The following SPAG16 variants were observed in gnomAD, a reference collection of about 807,000 sequenced individuals.
SPAG16 encodes the protein sperm-associated antigen 16 protein.
A neutral mutation model predicts 80.4 loss-of-function variants in SPAG16; 86 were observed. The observed-to-expected ratio is 1.07, with a 90% CI of 0.90 to 1.28. The LOEUF (loss-of-function observed/expected upper bound fraction) is 1.28. Among genes scored for constraint, SPAG16 ranks in the 50% most tolerant of loss-of-function variants. The pLI, the probability that SPAG16 is intolerant of heterozygous loss-of-function variation, is 0.00. For missense variants in SPAG16, 870 were observed against 765.3 expected, an observed-to-expected ratio of 1.14 and a Z score of -1.61; for synonymous variants, 294 against 265.9, an observed-to-expected ratio of 1.11 and a Z score of -1.03.
At chr2:213,630,383 C>CAAA (rs926318146) in intron 10 of SPAG16, among the ~76,000 whole-genome samples, 1 of 109,820 alleles carries the variant, frequency 9.1e-6, no homozygotes, top group Non-Finnish European at 1.9e-5. Flanking sequence ...GACTCCATCT[C>CAAA]AAAAAAAAAA....
chr2:214,246,555 G>A (rs1336764522), intron 15 of SPAG16, among the ~76,000 whole-genome samples: 2 of 152,040 alleles, frequency 1.3e-5, no homozygotes, highest in Admixed American at 1.3e-4. Context: ...ACTATGCTTA[G>A]TCCACTGTGC....
At chr2:213,399,945 TTTA>T (rs1446679086) in intron 9 of SPAG16, among the ~76,000 whole-genome samples, 1 of 152,056 alleles carries the variant, frequency 6.6e-6, no homozygotes, top group Non-Finnish European at 1.5e-5. Flanking sequence ...TATCATATTT[TTTA>T]TTATCTTTTA....
chr2:214,217,529 T>C lies in SPAG16; in HGVS notation c.1720+68263T>C, dbSNP rs543414062. ...AGTTTTAAATTGTCACTTCCAAATT[T>C]AAATACATTATTTTATGAAAGTTTA... On this transcript the variant is annotated intron_variant, in intron 15 of 15. Transcript: ENST00000331683. 3.3e-5 allele frequency among the ~76,000 whole-genome samples: 5 copies of C among 152,336 alleles called. No homozygotes were observed. In the South Asian group the frequency reaches 1.0e-3, roughly 32 times the overall value.
chr2:213,993,533 G>A, intron 12 of SPAG16, among the ~76,000 whole-genome samples: 1 of 152,130 alleles, frequency 6.6e-6, no homozygotes, highest in Non-Finnish European at 1.5e-5. Context: ...CCTACATTGA[G>A]CCTAGTTCTA....
At chr2:213,977,863 G>A (rs1372711874) in intron 12 of SPAG16, among the ~76,000 whole-genome samples, 1 of 151,574 alleles carries the variant, frequency 6.6e-6, no homozygotes, top group Non-Finnish European at 1.5e-5. Flanking sequence ...TCTTGTTAAG[G>A]ATCACTCCAT....
chr2:214,258,461 A>ATGTGTGTG (rs1319528567), intron 15 of SPAG16, among the ~76,000 whole-genome samples: 11 of 109,288 alleles, frequency 1.0e-4, no homozygotes, highest in African/African-American at 2.8e-4. Context: ...GTGTGTATGT[A>ATGTGTGTG]TGTGTGTGTG....
At chr2:213,768,697 A>G (rs1214369785) in intron 10 of SPAG16, among the ~76,000 whole-genome samples, 2 of 152,218 alleles carry the variant, frequency 1.3e-5, no homozygotes, top group Admixed American at 1.3e-4. Context: ...GAGAAATCCA[A>G]ATGGAAATAT....
At chr2:213,722,567 C>T (rs569269989) in intron 10 of SPAG16, among the ~76,000 whole-genome samples, 10 of 152,262 alleles carry the variant, frequency 6.6e-5, no homozygotes, top group South Asian at 2.1e-4. Flanking sequence ...ATACGGCCTT[C>T]AGAACCTAGT....
In SPAG16 at chr2:213,866,966, G is replaced by A. The variant is rs536654738; in HGVS notation, c.1214+4338G>A. Among the ~76,000 whole-genome samples, 5 of 151,642 alleles carry A rather than the reference G, an allele frequency of 3.3e-5. No homozygotes were observed. The East Asian group carries it at 9.7e-4, about 29-fold the overall frequency. On this transcript the variant is annotated intron_variant, in intron 11 of 15. Transcript: ENST00000331683. ...TATAATGCAGACTATACAAACAGAA[G>A]GCATTTAAAAATTGCAAGTCTTCAA...
chr2:213,473,734 T>C (rs2073215512), intron 9 of SPAG16, among the ~76,000 whole-genome samples: 1 of 152,226 alleles, frequency 6.6e-6, no homozygotes, highest in African/African-American at 2.4e-5. Context: ...TCTATGTTTC[T>C]TCCACTATTA....
Position 213,686,181 on chromosome 2 carries a change from C to T in SPAG16, c.1071-176304C>T, listed in dbSNP as rs1005336885. On this transcript the variant is annotated intron_variant, in intron 10 of 15. Coordinates refer to ENST00000331683, the MANE Select transcript of SPAG16 (RefSeq NM_024532.5). Reference sequence around the variant, plus strand: ...TTGCCTAGCCTAGAGTGCAGTGGTGCGATCTTGGCTCACTTCAACCTCTGC... The same window carrying T: ...TTGCCTAGCCTAGAGTGCAGTGGTGTGATCTTGGCTCACTTCAACCTCTGC... Among the ~76,000 whole-genome samples the T allele has an allele frequency of 5.3e-5, 8 of 152,222 alleles. No individual in the cohort carries two copies. The East Asian group carries it at 7.7e-4, about 15-fold the overall frequency.
intron 12 of SPAG16, among the ~76,000 whole-genome samples, chr2:213,938,963 C>T (rs982904508): frequency 1.3e-5 from 2 of 151,922 alleles, no homozygotes; most frequent in Non-Finnish European, 2.9e-5. Context: ...AAAATCCTAA[C>T]ACTTAACAAA....
chr2:214,244,540 C>CAAACCCA (rs1446547813), intron 15 of SPAG16, among the ~76,000 whole-genome samples: 1 of 151,848 alleles, frequency 6.6e-6, no homozygotes, highest in Admixed American at 6.6e-5. Flanking sequence ...TGATAAAAAA[C>CAAACCCA]AAACCCACAA....
At chr2:213,347,529 A>C (rs985735185) in intron 6 of SPAG16, among the ~76,000 whole-genome samples, 13 of 152,188 alleles carry the variant, frequency 8.5e-5, no homozygotes, top group African/African-American at 7.2e-5. Context: ...ATTTAGTGCT[A>C]TAAATTTTCC....
intron 10 of SPAG16, among the ~76,000 whole-genome samples, chr2:213,757,784 A>C (rs896797023): frequency 3.3e-5 from 5 of 152,068 alleles, no homozygotes; most frequent in Non-Finnish European, 5.9e-5. Flanking sequence ...AGTGGGCAAA[A>C]AAAGGACCTG....
At chr2:213,535,375 G>A (rs933116255) in intron 10 of SPAG16, among the ~76,000 whole-genome samples, 1 of 152,076 alleles carries the variant, frequency 6.6e-6, no homozygotes, top group Admixed American at 6.6e-5. Flanking sequence ...AGCAAGTGTA[G>A]TAGACACAAT....
intron 9 of SPAG16, among the ~76,000 whole-genome samples, chr2:213,380,155 C>T (rs2067094110): frequency 6.6e-6 from 1 of 152,222 alleles, no homozygotes; most frequent in Admixed American, 6.5e-5. Flanking sequence ...AGCATATAAT[C>T]ACACATCTGA....
At chr2:214,097,576 C>G (rs2052677781) in intron 13 of SPAG16, among the ~76,000 whole-genome samples, 2 of 151,802 alleles carry the variant, frequency 1.3e-5, no homozygotes, top group South Asian at 2.1e-4. Flanking sequence ...AAATCTTGAC[C>G]CTTTTGCTTA....
intron 7 of SPAG16, among the ~76,000 whole-genome samples, chr2:213,354,007 G>T (rs978705768): frequency 1.5e-4 from 23 of 152,114 alleles, no homozygotes; most frequent in Non-Finnish European, 3.4e-4. Context: ...TTTACATTAG[G>T]TATTTCTCTT....
Sources: gnomAD v4.1 joint callset for allele counts (sites outside exome capture counted in the v4.1 genomes callset) on GRCh38, gnomAD v4.1.1 for gene constraint, MANE v1.5 for transcripts, NCBI Gene and HGNC (gene_info 2026-07-23, HGNC 2026-07-21) for gene names.